Variants in TAFA1 observed in about 807,000 individuals in gnomAD.
TAFA1 encodes TAFA chemokine like family member 1.
A neutral mutation model predicts 18.5 loss-of-function variants in TAFA1; 4 were observed. The observed-to-expected ratio is 0.22, with a 90% CI of 0.11 to 0.49. The LOEUF is 0.49. TAFA1 is among the 20% of genes least tolerant of loss of function. The pLI, the probability that TAFA1 is intolerant of heterozygous loss-of-function variation, is 0.98. For synonymous variants in TAFA1, 56 were observed against 55.2 expected, an observed-to-expected ratio of 1.01 and a Z score of -0.06; for missense variants, 147 against 169.0, an observed-to-expected ratio of 0.87 and a Z score of 0.72.
At chr3:68,181,662 G>C (rs4279105) in intron 2 of TAFA1, among the ~76,000 whole-genome samples, 103,036 of 152,040 alleles carry the variant, frequency 0.68, 35,333 homozygotes, top group South Asian at 0.78. Flanking sequence ...GTATGTCTTA[G>C]ATACAAAAAT....
chr3:68,372,005 C>T (rs1158368750), intron 2 of TAFA1, among the ~76,000 whole-genome samples: 3 of 152,158 alleles, frequency 2.0e-5, no homozygotes, highest in Non-Finnish European at 4.4e-5. Flanking sequence ...TTCTGAACAT[C>T]TCGATGTAGG....
chr3:68,170,374 T>C (rs917703533), intron 2 of TAFA1, among the ~76,000 whole-genome samples: 14 of 152,216 alleles, frequency 9.2e-5, no homozygotes, highest in Admixed American at 2.0e-4. Flanking sequence ...GAAATTTCTC[T>C]GTGCAAACAG....
rs527995921 is a variant in TAFA1 at position 68,397,332 on chromosome 3, C to T, written c.119-19948C>T. Among the ~76,000 whole-genome samples, 43 of 152,222 alleles carry T rather than the reference C, an allele frequency of 2.8e-4. 2 individuals are homozygous for T. The highest frequency in any genetic ancestry group is 1.0e-3 in the African/African-American group (42 of 41,534). On this transcript the variant is annotated intron_variant, in intron 2 of 4. Transcript: ENST00000478136. Reference sequence around the variant, plus strand: ...CCCTTGCCCCCTACCCGCCAACAGGCCCCGGTGTGTGATGTTCCCCTTTCT... The same window carrying T: ...CCCTTGCCCCCTACCCGCCAACAGGTCCCGGTGTGTGATGTTCCCCTTTCT...
chr3:68,393,814 C>T (rs2070315828), intron 2 of TAFA1, among the ~76,000 whole-genome samples: 1 of 151,972 alleles, frequency 6.6e-6, no homozygotes, highest in Non-Finnish European at 1.5e-5. Context: ...AATTCAACAC[C>T]CCTTCATGCT....
chr3:68,106,881 T>C (rs990816812), intron 2 of TAFA1, among the ~76,000 whole-genome samples: 1 of 152,128 alleles, frequency 6.6e-6, no homozygotes, highest in African/African-American at 2.4e-5. Flanking sequence ...AGATATAACA[T>C]TATACCTCTA....
chr3:68,425,096 C>A (rs1051658685), intron 3 of TAFA1, among the ~76,000 whole-genome samples: 4 of 151,964 alleles, frequency 2.6e-5, no homozygotes, highest in Admixed American at 2.6e-4. Flanking sequence ...GGCTCAACTG[C>A]AGCTTGGAAA....
At chr3:68,116,052 T>C (rs9878267) in intron 2 of TAFA1, among the ~76,000 whole-genome samples, 139,462 of 152,096 alleles carry the variant, frequency 0.92, 64,260 homozygotes, top group South Asian at 0.97. Context: ...GTCAGGAGAG[T>C]GAGACCATCC....
intron 3 of TAFA1, among the ~76,000 whole-genome samples, chr3:68,442,236 C>A (rs944712910): frequency 6.6e-6 from 1 of 152,098 alleles, no homozygotes; most frequent in Non-Finnish European, 1.5e-5. Flanking sequence ...GTTGTGGACA[C>A]CCAGGAGCTA....
chr3:68,231,344 A>ATTTTTTT lies in TAFA1; in HGVS notation c.119-185915_119-185909dup, dbSNP rs1175174572. On this transcript the variant is annotated intron_variant, in intron 2 of 4. Transcript: ENST00000478136. ...ATCTACCCATGCTTTAATCTATTTG[A>ATTTTTTT]TTTTTTTTTTTTTTTTTTTTTTTTT... Among the ~76,000 whole-genome samples, 36 of 79,880 alleles carry ATTTTTTT rather than the reference A, an allele frequency of 4.5e-4. 1 individual carries two copies. Among genetic ancestry groups the ATTTTTTT allele is most frequent in the Non-Finnish European group, 5.8e-4 (24 of 41,592 alleles). 52.4% of individuals were successfully genotyped at this position (79,880 alleles called of 152,430 possible).
intron 2 of TAFA1, among the ~76,000 whole-genome samples, chr3:68,113,897 GTTTT>G (rs35158174): frequency 5.5e-5 from 1 of 18,054 alleles, no homozygotes; most frequent in African/African-American, 1.8e-4. Context: ...AGTTTTTTTT[GTTTT>G]TTTTTTTTTT....
chr3:68,179,223 T>C (rs975362550), intron 2 of TAFA1, among the ~76,000 whole-genome samples: 3 of 152,204 alleles, frequency 2.0e-5, no homozygotes, highest in African/African-American at 7.2e-5. Flanking sequence ...AACCCTACTT[T>C]TGGCATTTTT....
chr3:68,025,467 AGTCAGGTCTT>A (rs1263074277), intron 2 of TAFA1, among the ~76,000 whole-genome samples: 1 of 152,176 alleles, frequency 6.6e-6, no homozygotes, highest in Non-Finnish European at 1.5e-5. Flanking sequence ...TTAAAAAGTT[AGTCAGGTCTT>A]GTCAGTCATC....
upstream of TAFA1, among the ~76,000 whole-genome samples, chr3:68,000,964 A>G (rs2106759943): frequency 6.6e-6 from 1 of 152,310 alleles, no homozygotes; most frequent in African/African-American, 2.4e-5. Flanking sequence ...CTGATATTAA[A>G]TCAGCTATGG....
chr3:68,024,472 G>A (rs925744034), intron 2 of TAFA1, among the ~76,000 whole-genome samples: 1 of 152,054 alleles, frequency 6.6e-6, no homozygotes, highest in African/African-American at 2.4e-5. Context: ...AATTGTGTTA[G>A]GGAAAGTTAG....
At chr3:68,190,016 G>T (rs1302607654) in intron 2 of TAFA1, among the ~76,000 whole-genome samples, 1 of 151,880 alleles carries the variant, frequency 6.6e-6, no homozygotes, top group Non-Finnish European at 1.5e-5. Context: ...TTTATATCAA[G>T]CTACTGTGGT....
chr3:68,417,438 C>G lies in TAFA1; in HGVS notation c.259+18C>G. The G allele has an allele frequency of 3.1e-6, 5 of 1,612,650 alleles. No homozygotes were observed. Among genetic ancestry groups the G allele is most frequent in the Middle Eastern group, 1.7e-4 (1 of 6,048 alleles). ...CGTCGATGGTAGGTACCTGGTTTTACCTCTTGAAAAGCTCACATGGCATTC... is the reference window on the plus strand; with the variant it reads ...CGTCGATGGTAGGTACCTGGTTTTAGCTCTTGAAAAGCTCACATGGCATTC... On this transcript the variant is annotated intron_variant, in intron 3 of 4. Transcript: ENST00000478136.
chr3:68,524,052 G>T (rs2073067931), intron 3 of TAFA1, among the ~76,000 whole-genome samples: 1 of 152,134 alleles, frequency 6.6e-6, no homozygotes, highest in East Asian at 1.9e-4. Flanking sequence ...CACACTGAAT[G>T]ACTTAAAAGA....
chr3:68,210,690 T>A (rs1312478271), intron 2 of TAFA1, among the ~76,000 whole-genome samples: 1 of 152,098 alleles, frequency 6.6e-6, no homozygotes, highest in Non-Finnish European at 1.5e-5. Context: ...CTGCTACTAC[T>A]GATGCAGCTC....
chr3:68,486,021 G>A (rs772953772), intron 3 of TAFA1, among the ~76,000 whole-genome samples: 1 of 151,920 alleles, frequency 6.6e-6, no homozygotes, highest in Non-Finnish European at 1.5e-5. Context: ...TCGACCTCCT[G>A]GGCTCAAGCA....
Sources: gnomAD v4.1 joint callset for allele counts (sites outside exome capture counted in the v4.1 genomes callset) on GRCh38, gnomAD v4.1.1 for gene constraint, MANE v1.5 for transcripts, NCBI Gene and HGNC (gene_info 2026-07-23, HGNC 2026-07-21) for gene names.